Variants in GLDN observed in about 807,000 individuals in gnomAD.
The protein encoded by GLDN is gliomedin, also known as collomin.
GLDN carries 47 observed loss-of-function variants against 56.5 expected under a neutral mutation model. That is an observed-to-expected ratio of 0.83 (90% CI 0.66 to 1.06). GLDN has a LOEUF of 1.06. Ranked by LOEUF, GLDN falls within the 50% of genes least tolerant of loss-of-function variation. The pLI, the probability that GLDN is intolerant of heterozygous loss-of-function variation, is 0.00. For synonymous variants in GLDN, 332 were observed against 278.8 expected (o/e 1.19, Z -1.90); for missense variants, 782 against 714.3 (o/e 1.09, Z -1.08).
chr15:51,360,980 C>T (rs1473543792), intron 1 of GLDN, among the ~76,000 whole-genome samples: 3 of 152,168 alleles, frequency 2.0e-5, no homozygotes, highest in East Asian at 1.9e-4. Context: ...CAACATCAGA[C>T]GACTTGGTTA....
chr15:51,400,198 C>T lies in GLDN; in HGVS notation c.824C>T (p.Thr275Ile). The T allele has an allele frequency of 1.9e-6, 3 of 1,613,990 alleles. No homozygotes were observed. The highest frequency in any genetic ancestry group is 2.5e-6 in the Non-Finnish European group (3 of 1,179,888). The change falls in exon 7 of 10, where the codon ACT becomes ATT. Residue 275 changes from threonine (T) to isoleucine (I), a missense_variant. Thr to Ile is a moderately conservative substitution (Grantham distance 89). Coordinates refer to ENST00000335449, the MANE Select transcript of GLDN (RefSeq NM_181789.4). ...SMFNGQCPGETCAIPNDDTLV... is the reference protein window; with the variant it reads ...SMFNGQCPGEICAIPNDDTLV... Reference sequence around the variant, plus strand: ...ATTATTGTTGTCATTTTAGGTGAGACTTGTGCCATACCAAATGATGATACC... The same window carrying T: ...ATTATTGTTGTCATTTTAGGTGAGATTTGTGCCATACCAAATGATGATACC...
At chr15:51,401,973 G>A (rs970644513) in intron 9 of GLDN, among the ~76,000 whole-genome samples, 3 of 152,178 alleles carry the variant, frequency 2.0e-5, no homozygotes, top group South Asian at 2.1e-4. Flanking sequence ...TGGACAGCCC[G>A]AGGAAGGTCA....
intron 4 of GLDN, 49 bp from the exon 5 acceptor site, chr15:51,394,786 C>T (rs1462417764): frequency 6.2e-7 from 1 of 1,608,024 alleles, no homozygotes; most frequent in Non-Finnish European, 8.5e-7. Context: ...AGTGGTGTGC[C>T]AGAACTTTTT....
At chr15:51,344,061 A>C (rs2036934222) in intron 1 of GLDN, among the ~76,000 whole-genome samples, 1 of 152,188 alleles carries the variant, frequency 6.6e-6, no homozygotes, top group Non-Finnish European at 1.5e-5. Flanking sequence ...CAGATGGTCT[A>C]AGCTGGGGCC....
rs2038323455 is a variant in GLDN, at chr15:51,404,378, T to C, written c.1280T>C (p.Leu427Pro). 1 of 1,614,124 alleles carries C rather than the reference T, an allele frequency of 6.2e-7. No individual in the cohort carries two copies. Among genetic ancestry groups the C allele is most frequent in the Non-Finnish European group, 8.5e-7 (1 of 1,179,994 alleles). ...GCAAATTCCAAAACTTACTTCAATCTAGCTGTAGATGAAAAGGGCCTTTGG... is the reference window on the plus strand; with the variant it reads ...GCAAATTCCAAAACTTACTTCAATCCAGCTGTAGATGAAAAGGGCCTTTGG... The part of the protein sequence containing the change: ...LFANSKTYFN[L>P]AVDEKGLWII... Residue 427 changes from leucine (L) to proline (P), a missense_variant, in exon 10 of 10, where the codon CTA becomes CCA. Physicochemically the swap from Leu to Pro is moderately conservative, Grantham distance 98. Transcript: ENST00000335449.
At chr15:51,368,297 C>T (rs1415356775) in intron 1 of GLDN, among the ~76,000 whole-genome samples, 4 of 151,990 alleles carry the variant, frequency 2.6e-5, no homozygotes, top group Middle Eastern at 3.2e-3. Flanking sequence ...GAGAAGTCAG[C>T]GTAACAGCGA....
At chr15:51,344,011 G>T (rs193071309) in intron 1 of GLDN, among the ~76,000 whole-genome samples, 192 of 152,298 alleles carry the variant, frequency 1.3e-3, no homozygotes, top group Admixed American at 2.2e-3. Flanking sequence ...ATTGTGCACA[G>T]GAATATCTTG....
In GLDN at chr15:51,400,410, A is replaced by C; in HGVS notation, c.939A>C (p.Val313=). The change falls in exon 8 of 10, where the codon GTA becomes GTC. Residue 313 remains valine, a synonymous_variant. Transcript: ENST00000335449. ...CTTCCATTGGAAACCCAGTGCAAGT[A>C]CTGAAAGTGACAGAGACATTTGGGA... ...MITSIGNPVQ[V]LKVTETFGTW... is the part of the protein sequence containing the mutation. 1 of 1,614,180 alleles carries C rather than the reference A, an allele frequency of 6.2e-7. No individual in the cohort carries two copies. Among genetic ancestry groups the C allele is most frequent in the Non-Finnish European group, 8.5e-7 (1 of 1,179,992 alleles).
Position 51,341,765 on chromosome 15 carries a change from G to C in GLDN, c.81G>C (p.Ser27=), listed in dbSNP as rs1181728947. Residue 27 remains serine (S), a synonymous_variant, in exon 1 of 10, where the codon TCG becomes TCC. Coordinates refer to ENST00000335449, the MANE Select transcript of GLDN (RefSeq NM_181789.4). ...RGALAAVALL[S]ALNAAGTVFA... ...CCCTGGCGGCCGTGGCGCTGCTCTC[G>C]GCGCTCAACGCTGCGGGCACGGTGT... The C allele has an allele frequency of 2.0e-6, 3 of 1,487,276 alleles. No homozygotes were observed. The highest frequency in any genetic ancestry group is 2.7e-6 in the Non-Finnish European group (3 of 1,128,928). The allele number at this position is 1,487,276 out of a possible 1,614,324, so 92.1% of individuals were successfully genotyped here.
chr15:51,362,484 TAAAAA>T (rs59898719), intron 1 of GLDN, among the ~76,000 whole-genome samples: 3 of 131,870 alleles, frequency 2.3e-5, no homozygotes, highest in Non-Finnish European at 4.9e-5. Context: ...GACTCTGTCT[TAAAAA>T]AAAAAAAAAA....
chr15:51,359,267 A>T (rs28872804), intron 1 of GLDN, among the ~76,000 whole-genome samples: 2 of 152,336 alleles, frequency 1.3e-5, no homozygotes, highest in African/African-American at 4.8e-5. Flanking sequence ...GATAATCCTG[A>T]TGGATATGTA....
In GLDN at chr15:51,400,168, T is replaced by C. The variant is rs1312414319; in HGVS notation, c.818-24T>C. The C allele has an allele frequency of 1.9e-6, 3 of 1,607,450 alleles. No individual in the cohort carries two copies. The African/African-American group carries it at 4.0e-5, about 21-fold the overall frequency. ...CTCACTGTGCCAACCGTATCGGCTC[T>C]GATGATTATTGTTGTCATTTTAGGT... On this transcript the variant is annotated intron_variant, in intron 6 of 9. Transcript: ENST00000335449.
downstream of GLDN, among the ~76,000 whole-genome samples, chr15:51,410,362 T>C (rs1288851021): frequency 6.6e-6 from 1 of 152,176 alleles, no homozygotes; most frequent in Non-Finnish European, 1.5e-5. Flanking sequence ...CCTACAGAAA[T>C]GGTCAGAGCT....
intron 4 of GLDN, among the ~76,000 whole-genome samples, chr15:51,389,229 G>T (rs1489548527): frequency 6.6e-6 from 1 of 152,182 alleles, no homozygotes; most frequent in Non-Finnish European, 1.5e-5. Context: ...GTCAATGAAG[G>T]CAGGGACTAT....
rs550896285 is a variant in GLDN, at chr15:51,375,442, GTATGT to G, written c.364-2003_364-1999del. On this transcript the variant is annotated intron_variant, in intron 1 of 9. Coordinates refer to ENST00000335449, the MANE Select transcript of GLDN (RefSeq NM_181789.4). Reference sequence around the variant, plus strand: ...GCAGCACTGTTTTACATGAACAAAAGTATGTTATATGTGCTGCTCTATATTTGCAT... The same window carrying G: ...GCAGCACTGTTTTACATGAACAAAAGTATATGTGCTGCTCTATATTTGCAT... Among the ~76,000 whole-genome samples, 11 of 152,324 alleles carry G rather than the reference GTATGT, an allele frequency of 7.2e-5. No homozygotes were observed. In the South Asian group the frequency reaches 2.3e-3, roughly 32 times the overall value.
At chr15:51,356,027 G>A (rs1392518637) in intron 1 of GLDN, among the ~76,000 whole-genome samples, 4 of 149,362 alleles carry the variant, frequency 2.7e-5, no homozygotes, top group Non-Finnish European at 5.9e-5. Context: ...CTAACATGGT[G>A]AAACCCCGTC....
chr15:51,409,272 C>T (rs1430944694), downstream of GLDN, among the ~76,000 whole-genome samples: 2 of 151,834 alleles, frequency 1.3e-5, no homozygotes, highest in Non-Finnish European at 2.9e-5. Context: ...TACCTGTTAC[C>T]TTGACCTATA....
rs774222272 is a variant in GLDN at position 51,341,996 on chromosome 15, C to A, written c.312C>A (p.Ile104=). The A allele has an allele frequency of 3.1e-6, 5 of 1,597,768 alleles. No homozygotes were observed. In the African/African-American group the frequency reaches 4.0e-5, roughly 13 times the overall value. Residue 104 remains isoleucine, a synonymous_variant, in exon 1 of 10, where the codon ATC becomes ATA. Transcript: ENST00000335449. ...RSHSGEPAPH[I]RAESHDMLMM... is the part of the protein sequence containing the mutation. The stretch of plus-strand genomic sequence containing the variant: ...ACAGCGGCGAGCCCGCGCCGCATAT[C>A]CGCGCCGAGAGCCATGACATGCTGA...
intron 9 of GLDN, among the ~76,000 whole-genome samples, chr15:51,403,800 A>G (rs989104414): frequency 6.6e-6 from 1 of 152,190 alleles, no homozygotes; most frequent in African/African-American, 2.4e-5. Flanking sequence ...CCCTAAGTTC[A>G]ACCTCTGGCT....
Sources: gnomAD v4.1 joint callset for allele counts (sites outside exome capture counted in the v4.1 genomes callset) on GRCh38, gnomAD v4.1.1 for gene constraint, MANE v1.5 for transcripts, NCBI Gene and HGNC (gene_info 2026-07-23, HGNC 2026-07-21) for gene names.